SCAPER: variants seen among roughly 807,000 people sequenced by gnomAD.
SCAPER encodes the protein S phase cyclin A-associated protein in the endoplasmic reticulum.
Under a neutral mutation model 182.2 loss-of-function variants are expected in SCAPER, and 98 were observed. The ratio of observed to expected loss-of-function variants is 0.54; its 90% CI spans 0.46 to 0.64. SCAPER has a LOEUF of 0.64. Ranked by LOEUF, SCAPER falls within the 30% of genes least tolerant of loss-of-function variation. SCAPER has a pLI of 0.00. For missense variants in SCAPER, 1,432 were observed against 1,690.0 expected (o/e 0.85, Z 2.68); for synonymous variants, 605 against 564.6 (o/e 1.07, Z -1.01).
intron 25 of SCAPER, among the ~76,000 whole-genome samples, chr15:76,460,713 C>A (rs1488190024): frequency 6.6e-6 from 1 of 152,130 alleles, no homozygotes; most frequent in African/African-American, 2.4e-5. Flanking sequence ...AATTCTCTTT[C>A]CATTCTTCAG....
At position 76,538,526 on chromosome 15, in the gene SCAPER, T is replaced by C. The variant is rs138251265; in HGVS notation, c.2839-33552A>G. Reference sequence around the variant, plus strand: ...ATGGGAATTGAACAATGAGAACACATGGACACAGGAAGGGGAACATCACAC... The same window carrying C: ...ATGGGAATTGAACAATGAGAACACACGGACACAGGAAGGGGAACATCACAC... On this transcript the variant is annotated intron_variant, in intron 23 of 31. Coordinates refer to ENST00000563290, the MANE Select transcript of SCAPER (RefSeq NM_020843.4). 9.0e-3 allele frequency among the ~76,000 whole-genome samples: 1,362 copies of C among 152,120 alleles called. 8 individuals carry two copies. Among genetic ancestry groups the C allele is most frequent in the Non-Finnish European group, 0.014 (969 of 67,990 alleles).
Position 76,644,162 on chromosome 15 carries a change from A to T in SCAPER, c.2645+21491T>A, listed in dbSNP as rs11858683. Among the ~76,000 whole-genome samples, 1,237 of 152,248 alleles carry T rather than the reference A, an allele frequency of 8.1e-3. 14 individuals carry two copies. The highest frequency in any genetic ancestry group is 0.028 in the African/African-American group (1,173 of 41,538). On this transcript the variant is annotated intron_variant, in intron 21 of 31. Coordinates refer to ENST00000563290, the MANE Select transcript of SCAPER (RefSeq NM_020843.4). ...AGGTATATACGATCAAAACTTTTTC[A>T]TTCTCATTCTCTTACAAGCACACAG...
chr15:76,646,282 T>A (rs1385084300), intron 21 of SCAPER, among the ~76,000 whole-genome samples: 3 of 151,952 alleles, frequency 2.0e-5, no homozygotes, highest in Admixed American at 1.3e-4. Flanking sequence ...GCACCCCCCA[T>A]CCTCTCATTC....
At chr15:76,440,306 A>T (rs1300831668) in intron 25 of SCAPER, among the ~76,000 whole-genome samples, 2 of 152,234 alleles carry the variant, frequency 1.3e-5, no homozygotes, top group Non-Finnish European at 2.9e-5. Context: ...ATTAAAAGTC[A>T]TTATAACTTT....
chr15:76,668,868 C>T lies in SCAPER; in HGVS notation c.2509-3079G>A, dbSNP rs964772382. 1.2e-4 allele frequency among the ~76,000 whole-genome samples: 19 copies of T among 152,210 alleles called. 1 individual carries two copies. The highest frequency in any genetic ancestry group is 4.1e-4 in the African/African-American group (17 of 41,532). On this transcript the variant is annotated intron_variant, in intron 20 of 31. Coordinates refer to ENST00000563290, the MANE Select transcript of SCAPER (RefSeq NM_020843.4). ...AACAACTAATAATAGTATTTTTCAG[C>T]CCTTATTACACAAGATACATTGAGC...
chr15:76,385,134 T>C (rs2043214519), intron 27 of SCAPER: 1 of 152,204 alleles, frequency 6.6e-6, no homozygotes, highest in South Asian at 2.1e-4. Context: ...AAATTGGTTT[T>C]TCATCAATAC....
At chr15:76,569,575 G>C (rs1282266430) in intron 23 of SCAPER, among the ~76,000 whole-genome samples, 1 of 151,970 alleles carries the variant, frequency 6.6e-6, no homozygotes, top group Non-Finnish European at 1.5e-5. Context: ...TGGGCTTCTC[G>C]AATCTGTAAA....
At chr15:76,642,390 T>C (rs1177686293) in intron 21 of SCAPER, among the ~76,000 whole-genome samples, 1 of 152,234 alleles carries the variant, frequency 6.6e-6, no homozygotes, top group Admixed American at 6.5e-5. Context: ...CTCAGTAGTT[T>C]AAAACTAGTA....
At chr15:76,372,473 C>A (rs1161249952) in intron 29 of SCAPER, among the ~76,000 whole-genome samples, 1 of 152,134 alleles carries the variant, frequency 6.6e-6, no homozygotes, top group Non-Finnish European at 1.5e-5. Context: ...CCCAGAGATG[C>A]CAAAATTGTG....
intron 23 of SCAPER, among the ~76,000 whole-genome samples, chr15:76,557,852 T>C (rs2046303633): frequency 6.6e-6 from 1 of 152,198 alleles, no homozygotes; most frequent in Non-Finnish European, 1.5e-5. Flanking sequence ...GCTGCTCACC[T>C]ACAGCCATCT....
intron 2 of SCAPER, among the ~76,000 whole-genome samples, chr15:76,878,975 T>C (rs1005736574): frequency 3.3e-5 from 5 of 152,220 alleles, no homozygotes; most frequent in Non-Finnish European, 5.9e-5. Flanking sequence ...ATGATTATAC[T>C]GTGTACTGGT....
chr15:76,568,190 C>CGTATAT (rs2047178002), intron 23 of SCAPER, among the ~76,000 whole-genome samples: 1 of 138,710 alleles, frequency 7.2e-6, no homozygotes, highest in African/African-American at 3.0e-5. Context: ...ATGGATCAAG[C>CGTATAT]ATATATATAT....
chr15:76,880,886 C>CA (rs923326621), intron 2 of SCAPER, among the ~76,000 whole-genome samples: 8 of 151,838 alleles, frequency 5.3e-5, no homozygotes, highest in Admixed American at 3.3e-4. Flanking sequence ...TGGCTACCAT[C>CA]AAAAAAACAG....
chr15:76,403,434 C>T (rs1394634325), intron 27 of SCAPER, among the ~76,000 whole-genome samples: 4 of 152,138 alleles, frequency 2.6e-5, no homozygotes, highest in South Asian at 2.1e-4. Flanking sequence ...TTTATTAGAA[C>T]GTGACTGGTG....
intron 21 of SCAPER, among the ~76,000 whole-genome samples, chr15:76,645,144 T>G (rs1002149136): frequency 6.6e-6 from 1 of 152,164 alleles, no homozygotes; most frequent in African/African-American, 2.4e-5. Context: ...TAGAGATGAT[T>G]CAAAATATAT....
intron 26 of SCAPER, among the ~76,000 whole-genome samples, chr15:76,433,210 T>C (rs965391416): frequency 2.0e-5 from 3 of 152,012 alleles, no homozygotes; most frequent in African/African-American, 7.3e-5. Flanking sequence ...ACATCACATA[T>C]CTAAATATCA....
At chr15:76,850,058 G>A (rs148435369) in intron 4 of SCAPER, among the ~76,000 whole-genome samples, 4 of 152,260 alleles carry the variant, frequency 2.6e-5, no homozygotes, top group African/African-American at 4.8e-5. Context: ...CCCTTGACAC[G>A]TGGGGATTAT....
At chr15:76,429,500 C>G (rs1480476988) in intron 26 of SCAPER, among the ~76,000 whole-genome samples, 1 of 152,100 alleles carries the variant, frequency 6.6e-6, no homozygotes, top group Non-Finnish European at 1.5e-5. Context: ...CTGAGCTGGT[C>G]TCAGATGGCG....
In SCAPER at chr15:76,383,860, G is replaced by C. The variant is rs538798150; in HGVS notation, c.3468-2245C>G. ...TTTGTGATTAAGTAAATACTGTTAAGATATACAGAGACTATAATGCAATCT... is the reference window on the plus strand; with the variant it reads ...TTTGTGATTAAGTAAATACTGTTAACATATACAGAGACTATAATGCAATCT... On this transcript the variant is annotated intron_variant, in intron 27 of 31. Transcript: ENST00000563290. 3.9e-5 allele frequency among the ~76,000 whole-genome samples: 6 copies of C among 152,270 alleles called. No individual in the cohort carries two copies. In the South Asian group the frequency reaches 1.0e-3, roughly 26 times the overall value.
Sources: gnomAD v4.1 joint callset for allele counts (sites outside exome capture counted in the v4.1 genomes callset) on GRCh38, gnomAD v4.1.1 for gene constraint, MANE v1.5 for transcripts, NCBI Gene and HGNC (gene_info 2026-07-23, HGNC 2026-07-21) for gene names.